The following MMD2 variants were observed in gnomAD, a reference collection of about 807,000 sequenced individuals.
The protein encoded by MMD2 is monocyte to macrophage differentiation factor 2.
A neutral mutation model predicts 33.5 loss-of-function variants in MMD2; 30 were observed. The ratio of observed to expected loss-of-function variants is 0.90; its 90% CI spans 0.67 to 1.22. The LOEUF (loss-of-function observed/expected upper bound fraction) is 1.22, where lower values mean the gene tolerates loss of function less well. Ranked by LOEUF, MMD2 falls within the 50% of genes most tolerant of loss-of-function variation. The pLI is 0.00. For missense variants in MMD2, 364 were observed against 325.4 expected (o/e 1.12, Z -0.91); for synonymous variants, 129 against 123.0 (o/e 1.05, Z -0.32).
intron 1 of MMD2, among the ~76,000 whole-genome samples, chr7:4,953,814 T>G (rs1456765718): frequency 6.6e-6 from 1 of 152,172 alleles, no homozygotes; most frequent in Non-Finnish European, 1.5e-5. Flanking sequence ...TTGAATTACT[T>G]TGGACTTTAA....
At position 4,959,160 on chromosome 7, in the gene MMD2, G is replaced by GAGCCC. The variant is rs1786475053; in HGVS notation, c.-144_-143insGGGCT. The GAGCCC allele has an allele frequency of 8.5e-6, 5 of 585,844 alleles. No homozygotes were observed. The highest frequency in any genetic ancestry group is 6.0e-5 in the African/African-American group (3 of 50,278). 36.3% of individuals were successfully genotyped at this position (585,844 alleles called of 1,614,324 possible). ...CTGGTCGGCGCCCGGAGCCGGAGCC[G>GAGCCC]GAGCCCGAGCCGGAGCTGGAGGCGC... On this transcript the variant is annotated 5_prime_UTR_variant, in exon 1 of 7. Coordinates refer to ENST00000401401, the MANE Select transcript of MMD2 (RefSeq NM_198403.4).
chr7:4,928,883 C>A (rs906404163), intron 1 of MMD2, among the ~76,000 whole-genome samples: 1 of 151,988 alleles, frequency 6.6e-6, no homozygotes, highest in African/African-American at 2.4e-5. Flanking sequence ...AAGTGCAGCT[C>A]ATGGTGCATT....
intron 3 of MMD2, 87 bp from the exon 4 acceptor site, chr7:4,916,166 G>A: frequency 1.5e-6 from 2 of 1,294,614 alleles, no homozygotes; most frequent in Non-Finnish European, 2.2e-6. Context: ...GACTGATCGT[G>A]CCTGCCTACA....
chr7:4,926,895 C>CCAT (rs1785444396), intron 1 of MMD2, among the ~76,000 whole-genome samples: 1 of 152,148 alleles, frequency 6.6e-6, no homozygotes, highest in South Asian at 2.1e-4. Context: ...CAGGCGCCCG[C>CCAT]CATCATGCCC....
Position 4,958,975 on chromosome 7 carries a change from C to G in MMD2, c.43G>C (p.Ala15Pro). 2 of 1,287,230 alleles carry G rather than the reference C, an allele frequency of 1.6e-6. No individual in the cohort carries two copies. The highest frequency in any genetic ancestry group is 2.0e-6 in the Non-Finnish European group (2 of 1,010,894). 79.7% of individuals were successfully genotyped at this position (1,287,230 alleles called of 1,614,324 possible). Reference sequence around the variant, plus strand: ...ACCTCCGCGGCCGCCGCTCACCTCGCGTATTTCGTCTTCTGGAAATCCAGC... The same window carrying G: ...ACCTCCGCGGCCGCCGCTCACCTCGGGTATTTCGTCTTCTGGAAATCCAGC... Reference protein sequence around the residue: ...RLLDFQKTKYARFMNHRVPAH... With the variant: ...RLLDFQKTKYPRFMNHRVPAH... Residue 15 changes from alanine (A) to proline (P), a missense_variant, in exon 1 of 7, where the codon GCG (alanine) becomes CCG (proline). Coordinates refer to ENST00000401401, the MANE Select transcript of MMD2 (RefSeq NM_198403.4).
chr7:4,938,706 C>A (rs910453722), intron 1 of MMD2, among the ~76,000 whole-genome samples: 1 of 152,116 alleles, frequency 6.6e-6, no homozygotes, highest in Non-Finnish European at 1.5e-5. Flanking sequence ...CAAAGCCAAC[C>A]TTTGGCTGTA....
Position 4,933,516 on chromosome 7 carries a change from C to T in MMD2, c.48-7984G>A, listed in dbSNP as rs551151305. Among the ~76,000 whole-genome samples, 5 of 152,238 alleles carry T rather than the reference C, an allele frequency of 3.3e-5. No homozygotes were observed. In the East Asian group the frequency reaches 7.7e-4, roughly 23 times the overall value. Reference sequence around the variant, plus strand: ...TTTGCCATCTGGCTTTGTTGTTGGGCAGGGAGCATCTGAGATTCCTCCTCC... The same window carrying T: ...TTTGCCATCTGGCTTTGTTGTTGGGTAGGGAGCATCTGAGATTCCTCCTCC... On this transcript the variant is annotated intron_variant, in intron 1 of 6. Transcript: ENST00000401401.
At chr7:4,947,926 C>T (rs1056449799) in intron 1 of MMD2, among the ~76,000 whole-genome samples, 6 of 151,978 alleles carry the variant, frequency 3.9e-5, no homozygotes, top group Middle Eastern at 3.4e-3. Flanking sequence ...TCTTGATCTC[C>T]CGACCTGGTG....
downstream of MMD2, among the ~76,000 whole-genome samples, chr7:4,902,506 G>A (rs908776918): frequency 1.3e-5 from 2 of 152,190 alleles, no homozygotes; most frequent in Non-Finnish European, 2.9e-5. Context: ...GGGGGAGTCT[G>A]TGTGAATCGG....
chr7:4,904,545 T>C (rs1383559507), downstream of MMD2, among the ~76,000 whole-genome samples: 1 of 152,190 alleles, frequency 6.6e-6, no homozygotes, highest in Non-Finnish European at 1.5e-5. Context: ...CCACCATTAG[T>C]GATTCATTCC....
chr7:4,917,413 G>A (rs1014028238), intron 3 of MMD2, among the ~76,000 whole-genome samples: 11 of 152,134 alleles, frequency 7.2e-5, no homozygotes, highest in African/African-American at 2.7e-4. Flanking sequence ...TGTAATCCCA[G>A]CACTTTGGGA....
chr7:4,917,661 C>T (rs1026145928), intron 3 of MMD2, among the ~76,000 whole-genome samples: 2 of 151,116 alleles, frequency 1.3e-5, no homozygotes, highest in South Asian at 2.1e-4. Flanking sequence ...CACTGCACTC[C>T]AGCTTGGGCA....
intron 1 of MMD2, among the ~76,000 whole-genome samples, chr7:4,951,553 T>C (rs1052408759): frequency 1.3e-5 from 2 of 152,138 alleles, no homozygotes; most frequent in Non-Finnish European, 2.9e-5. Context: ...TGTCCTGTCA[T>C]GGACACCTGT....
At chr7:4,900,558 A>T in the MMD2 span, among the ~76,000 whole-genome samples, 74 of 152,204 alleles carry the variant, frequency 4.9e-4, no homozygotes, top group East Asian at 0.01. Flanking sequence ...CGAAGGCCTG[A>T]ATATGTAAGT....
At chr7:4,921,528 G>A (rs34735059) in intron 2 of MMD2, among the ~76,000 whole-genome samples, 786 of 151,586 alleles carry the variant, frequency 5.2e-3, no homozygotes, top group Non-Finnish European at 8.9e-3. Flanking sequence ...GGCTGAGGCA[G>A]GAGAATTGCT....
At chr7:4,924,131 G>A (rs970614837) in intron 2 of MMD2, among the ~76,000 whole-genome samples, 1 of 152,212 alleles carries the variant, frequency 6.6e-6, no homozygotes, top group African/African-American at 2.4e-5. Flanking sequence ...GGCAGAGCTT[G>A]CAGTGAGCCG....
intron 1 of MMD2, among the ~76,000 whole-genome samples, chr7:4,957,163 CAA>C (rs72291506): frequency 0.29 from 39,949 of 138,136 alleles, 6,570 homozygotes; most frequent in South Asian, 0.43. Context: ...GAGACTGTCT[CAA>C]AAAAAAAAAT....
intron 3 of MMD2, among the ~76,000 whole-genome samples, chr7:4,917,170 T>C (rs1026519378): frequency 6.6e-6 from 1 of 152,158 alleles, no homozygotes; most frequent in Non-Finnish European, 1.5e-5. Context: ...GGATCCAAGC[T>C]GTGGAGCCAA....
rs576751041 is a variant in MMD2 at position 4,915,530 on chromosome 7, A to G, written c.365+475T>C. On this transcript the variant is annotated intron_variant, in intron 4 of 6. Transcript: ENST00000401401. ...TGAGGTGGGCAGATCACTGGAGGTT[A>G]GGAGTTCGAGAGCAGCCTGGCCAAC... Among the ~76,000 whole-genome samples, 62 of 152,120 alleles carry G rather than the reference A, an allele frequency of 4.1e-4. 1 individual carries two copies. In the South Asian group the frequency reaches 0.013, roughly 32 times the overall value.
Sources: allele counts gnomAD v4.1 joint callset (sites outside exome capture counted in the v4.1 genomes callset), GRCh38; gene constraint gnomAD v4.1.1; transcripts MANE v1.5; gene names NCBI Gene and HGNC (gene_info 2026-07-23, HGNC 2026-07-21).